Variants in MOSPD2 observed in about 807,000 individuals in gnomAD.
MOSPD2 encodes motile sperm domain-containing protein 2.
MOSPD2 carries 5 observed loss-of-function variants against 41.7 expected under a neutral mutation model. The ratio of observed to expected loss-of-function variants is 0.12; its 90% CI spans 0.06 to 0.25. MOSPD2 has a LOEUF of 0.25. Ranked by LOEUF, MOSPD2 falls within the 10% of genes least tolerant of loss-of-function variation. The pLI, the probability that MOSPD2 is intolerant of heterozygous loss-of-function variation, is 1.00. For missense variants in MOSPD2, 282 were observed against 375.2 expected (o/e 0.75, Z 2.05); for synonymous variants, 115 against 126.9 (o/e 0.91, Z 0.63).
rs2092609151 is a variant in MOSPD2 at position 14,921,239 on chromosome X, G to A, written c.*1430G>A. ...TACTATTCTGAAGGGTAGTGTTGTT[G>A]GTTTTCATCTTCAAGAAGTTGATTC... On this transcript the variant is annotated 3_prime_UTR_variant, in exon 15 of 15. Transcript: ENST00000380492. 2.0e-5 allele frequency: 18 copies of A among 922,424 alleles called. No homozygotes were observed. The highest frequency in any genetic ancestry group is 2.4e-5 in the Non-Finnish European group (18 of 746,045). 76.0% of individuals were successfully genotyped at this position (922,424 alleles called of 1,213,427 possible).
intron 5 of MOSPD2, among the ~76,000 whole-genome samples, chrX:14,899,366 A>G (rs1025408726): frequency 9.2e-6 from 1 of 109,101 alleles, no homozygotes; most frequent in Non-Finnish European, 1.9e-5. Context: ...CTATTTAGAC[A>G]AAGTCTCTGG....
chrX:14,887,414 A>G (rs768169783), intron 2 of MOSPD2, among the ~76,000 whole-genome samples: 2 of 111,555 alleles, frequency 1.8e-5, no homozygotes, highest in Non-Finnish European at 3.8e-5. Flanking sequence ...TCTTTCTGAG[A>G]CTGTAGGTAG....
At position 14,919,916 on chromosome X, in the gene MOSPD2, C is replaced by G. The variant is rs1029650075; in HGVS notation, c.*107C>G. ...TAAAAACATTGCACATCTGTGCTTCCTAAAAGGAAATATGCAGCACGTGGA... is the reference window on the plus strand; with the variant it reads ...TAAAAACATTGCACATCTGTGCTTCGTAAAAGGAAATATGCAGCACGTGGA... On this transcript the variant is annotated 3_prime_UTR_variant, in exon 15 of 15. Coordinates refer to ENST00000380492, the MANE Select transcript of MOSPD2 (RefSeq NM_152581.4). The G allele has an allele frequency of 1.4e-5, 15 of 1,102,886 alleles. No individual in the cohort carries two copies. The African/African-American group carries it at 2.0e-4, about 15-fold the overall frequency. 90.9% of individuals were successfully genotyped at this position (1,102,886 alleles called of 1,213,427 possible).
rs773623825 is a variant in MOSPD2, at chrX:14,888,195, TACAC to T, written c.80-4521_80-4518del. 8.3e-3 allele frequency among the ~76,000 whole-genome samples: 738 copies of T among 88,769 alleles called. 13 individuals carry two copies. Among genetic ancestry groups the T allele is most frequent in the African/African-American group, 0.028 (684 of 24,288 alleles). The allele number at this position is 88,769 out of a possible 115,157, so 77.1% of individuals were successfully genotyped here. A position where few individuals can be genotyped will look rare whatever the true frequency, so the allele number is the denominator to read the frequency against. On this transcript the variant is annotated intron_variant, in intron 2 of 14. Transcript: ENST00000380492. ...TGAGGACAAGTATTGGGAGAATATA[TACAC>T]ACACACGCACACACACACACACACA...
chrX:14,892,911 T>G lies in MOSPD2; in HGVS notation c.235+33T>G, dbSNP rs376809974. 215 of 1,063,201 alleles carry G rather than the reference T, an allele frequency of 2.0e-4. 2 individuals carry two copies. Among genetic ancestry groups the G allele is most frequent in the Admixed American group, 9.3e-5 (4 of 42,926 alleles). 87.6% of individuals were successfully genotyped at this position (1,063,201 alleles called of 1,213,427 possible). A position where few individuals can be genotyped will look rare whatever the true frequency, so the allele number is the denominator to read the frequency against. On this transcript the variant is annotated intron_variant, in intron 3 of 14. Transcript: ENST00000380492. ...GTTCAATTTAACCTTGACTGTAATA[T>G]ATACTGTATAAATGGTATTGTTTTA... is the stretch of plus-strand genomic sequence containing the variant.
intron 2 of MOSPD2, among the ~76,000 whole-genome samples, chrX:14,881,377 G>A (rs1226872349): frequency 9.0e-6 from 1 of 111,496 alleles, no homozygotes; most frequent in African/African-American, 3.3e-5. Flanking sequence ...TCAAGGACAG[G>A]AAGATAAGCA....
chrX:14,907,112 TAA>T (rs2092583696), intron 7 of MOSPD2, among the ~76,000 whole-genome samples: 2 of 112,212 alleles, frequency 1.8e-5, no homozygotes, highest in Non-Finnish European at 3.8e-5. Flanking sequence ...AATAAGCACA[TAA>T]AGAGATGCTG....
chrX:14,920,733 G>A lies in MOSPD2; in HGVS notation c.*924G>A. 2 of 751,882 alleles carry A rather than the reference G, an allele frequency of 2.7e-6. No homozygotes were observed. Among genetic ancestry groups the A allele is most frequent in the Non-Finnish European group, 1.6e-6 (1 of 637,568 alleles). The allele number at this position is 751,882 out of a possible 1,213,427, so 62.0% of individuals were successfully genotyped here. The stretch of plus-strand genomic sequence containing the variant: ...CTCCCTCCTCATTTCTAAATGAAAG[G>A]TATTAGATATAAATTTTTTTGAAAG... On this transcript the variant is annotated 3_prime_UTR_variant, in exon 15 of 15. Coordinates refer to ENST00000380492, the MANE Select transcript of MOSPD2 (RefSeq NM_152581.4).
intron 6 of MOSPD2, 23 bp from the exon 7 acceptor site, chrX:14,902,943 A>G (rs370525924): frequency 1.4e-5 from 16 of 1,118,492 alleles, no homozygotes; most frequent in African/African-American, 5.4e-5. Context: ...TTCACATTCA[A>G]TGAATTTTTT....
chrX:14,873,722 G>A lies in MOSPD2; in HGVS notation c.43G>A (p.Glu15Lys). 8.3e-7 allele frequency: 1 copy of A among 1,211,294 alleles called. No individual in the cohort carries two copies. The highest frequency in any genetic ancestry group is 1.8e-5 in the South Asian group (1 of 56,967). The change falls in exon 2 of 15, where the codon GAG (glutamate) becomes AAG (lysine). Residue 15 changes from glutamate to lysine, a missense_variant. By Grantham distance (56) the Glu-to-Lys change is moderately conservative. This residue lies in a region of MOSPD2 where 187 missense variants were observed against 256.6 expected (regional missense o/e 0.73). Coordinates refer to ENST00000380492, the MANE Select transcript of MOSPD2 (RefSeq NM_152581.4). ...HAQNKAKLISETRRRFEAEYV... is the reference protein window; with the variant it reads ...HAQNKAKLISKTRRRFEAEYV... ...CCAGAATAAAGCCAAGCTCATCTCT[G>A]AGACCCGGAGGAGGTTCGAAGCTGA... is the stretch of plus-strand genomic sequence containing the variant.
chrX:14,877,253 A>T (rs2092522214), intron 2 of MOSPD2, among the ~76,000 whole-genome samples: 1 of 112,274 alleles, frequency 8.9e-6, no homozygotes, highest in African/African-American at 3.2e-5. Flanking sequence ...ATTTAAATTA[A>T]TTTGGGTCAT....
At chrX:14,880,250 G>A (rs1001848872) in intron 2 of MOSPD2, among the ~76,000 whole-genome samples, 2 of 110,469 alleles carry the variant, frequency 1.8e-5, no homozygotes, top group African/African-American at 3.3e-5. Context: ...TACTGTATGT[G>A]TTTTATTTTT....
In MOSPD2 at chrX:14,897,202, G is replaced by A. The variant is rs867066550; in HGVS notation, c.441G>A (p.Val147=). 8.3e-7 allele frequency: 1 copy of A among 1,206,427 alleles called. No homozygotes were observed. The change falls in exon 5 of 15, where the codon GTG becomes GTA. Residue 147 remains valine (V), a synonymous_variant. Coordinates refer to ENST00000380492, the MANE Select transcript of MOSPD2 (RefSeq NM_152581.4). Reference sequence around the variant, plus strand: ...GGGAAAATGGGAAACCTGTAACAGTGATGTTTGACCTGTCAGAAACTGGAA... The same window carrying A: ...GGGAAAATGGGAAACCTGTAACAGTAATGTTTGACCTGTCAGAAACTGGAA... ...AKRENGKPVT[V]MFDLSETGIN...
rs912451753 is a variant in MOSPD2 at position 14,921,778 on chromosome X, A to T, written c.*1969A>T. ...TAAACGTTTGTACTTGTCTTGATTA[A>T]TCATATATTTACACTTGATTTTTTT... is the stretch of plus-strand genomic sequence containing the variant. On this transcript the variant is annotated 3_prime_UTR_variant, in exon 15 of 15. Transcript: ENST00000380492. The T allele has an allele frequency of 2.5e-5, 3 of 121,047 alleles. No homozygotes were observed. The highest frequency in any genetic ancestry group is 9.6e-5 in the African/African-American group (3 of 31,271). 10.0% of individuals were successfully genotyped at this position (121,047 alleles called of 1,213,427 possible).
Position 14,911,289 on chromosome X carries a change from C to A in MOSPD2, c.755C>A (p.Pro252Gln). 1 of 1,205,535 alleles carries A rather than the reference C, an allele frequency of 8.3e-7. No individual in the cohort carries two copies. Among genetic ancestry groups the A allele is most frequent in the Non-Finnish European group, 1.1e-6 (1 of 891,416 alleles). ...CTAGTAGATGATGACTTCCAGACCC[C>A]ACTGTGTGAGAATGGGCCTATTACC... ...PPLVDDDFQT[P>Q]LCENGPITSE... is the part of the protein sequence containing the mutation. The change falls in exon 9 of 15, where the codon CCA becomes CAA. Residue 252 changes from proline (P) to glutamine (Q), a missense_variant. Around this residue, in one of 3 missense-constraint regions of MOSPD2, gnomAD observed 187 missense variants for 256.6 expected, o/e 0.73. Coordinates refer to ENST00000380492, the MANE Select transcript of MOSPD2 (RefSeq NM_152581.4).
intron 2 of MOSPD2, among the ~76,000 whole-genome samples, chrX:14,878,318 A>G (rs918229813): frequency 8.9e-6 from 1 of 111,913 alleles, no homozygotes; most frequent in Non-Finnish European, 1.9e-5. Context: ...AGTTGCACCA[A>G]TATTCATTCC....
chrX:14,889,860 G>A (rs1378403876), intron 2 of MOSPD2, among the ~76,000 whole-genome samples: 3 of 111,514 alleles, frequency 2.7e-5, no homozygotes, highest in Non-Finnish European at 5.6e-5. Context: ...CCTAGTGATG[G>A]TACTAGCAGT....
chrX:14,883,348 T>G (rs1209825201), intron 2 of MOSPD2, among the ~76,000 whole-genome samples: 1 of 112,159 alleles, frequency 8.9e-6, no homozygotes, highest in Admixed American at 9.5e-5. Flanking sequence ...ATATGAATGT[T>G]TTTCATTACT....
chrX:14,892,380 A>T (rs2092555459), intron 2 of MOSPD2, among the ~76,000 whole-genome samples: 1 of 111,310 alleles, frequency 9.0e-6, no homozygotes, highest in South Asian at 3.8e-4. Flanking sequence ...TTCAACAATC[A>T]GTTCGTGCGG....
Sources: allele counts gnomAD v4.1 joint callset (sites outside exome capture counted in the v4.1 genomes callset), GRCh38; gene constraint gnomAD v4.1.1; regional missense constraint gnomAD v4.1.1; transcripts MANE v1.5; gene names NCBI Gene and HGNC (gene_info 2026-07-23, HGNC 2026-07-21).